Variants in CENPN observed in about 807,000 individuals in gnomAD.
CENPN encodes centromere protein N.
A neutral mutation model predicts 48.6 loss-of-function variants in CENPN; 36 were observed. That is an observed-to-expected ratio of 0.74 (90% CI 0.57 to 0.98). CENPN has a LOEUF of 0.98. CENPN is among the 50% of genes least tolerant of loss of function. The pLI, the probability that CENPN is intolerant of heterozygous loss-of-function variation, is 0.00. For missense variants in CENPN, 439 were observed against 399.2 expected (o/e 1.10, Z -0.85); for synonymous variants, 166 against 135.2 (o/e 1.23, Z -1.58).
In CENPN at chr16:81,029,035, T is replaced by A. The variant is rs1299946401; in HGVS notation, c.*384T>A. The A allele has an allele frequency of 1.0e-6, 1 of 989,910 alleles. No homozygotes were observed. The highest frequency in any genetic ancestry group is 1.1e-4 in the East Asian group (1 of 9,016). The allele number at this position is 989,910 out of a possible 1,614,324, so 61.3% of individuals were successfully genotyped here. Reference sequence around the variant, plus strand: ...AGAGGTCTGGTTCCAGTGGCTGGTTTCCAGGGATTGATTCTTAAGCTCTGG... The same window carrying A: ...AGAGGTCTGGTTCCAGTGGCTGGTTACCAGGGATTGATTCTTAAGCTCTGG... On this transcript the variant is annotated 3_prime_UTR_variant, in exon 11 of 11. Transcript: ENST00000305850.
At position 81,029,203 on chromosome 16, in the gene CENPN, A is replaced by G; in HGVS notation, c.*552A>G. ...CATATTTGGTGAGTCAGTTATATAA[A>G]ATAGTGTTCTTATTGTAAATATGAT... is the stretch of plus-strand genomic sequence containing the variant. On this transcript the variant is annotated 3_prime_UTR_variant, in exon 11 of 11. Transcript: ENST00000305850. The G allele has an allele frequency of 1.1e-6, 1 of 950,810 alleles. No individual in the cohort carries two copies. Among genetic ancestry groups the G allele is most frequent in the Non-Finnish European group, 1.3e-6 (1 of 798,484 alleles). 58.9% of individuals were successfully genotyped at this position (950,810 alleles called of 1,614,324 possible). A position where few individuals can be genotyped will look rare whatever the true frequency, so the allele number is the denominator to read the frequency against.
At chr16:81,021,499 G>T (rs1970197406) in intron 6 of CENPN, among the ~76,000 whole-genome samples, 1 of 152,184 alleles carries the variant, frequency 6.6e-6, no homozygotes, top group Non-Finnish European at 1.5e-5. Flanking sequence ...GAGTGGGGTG[G>T]AGGTGCGGTG....
At position 81,022,675 on chromosome 16, in the gene CENPN, A is replaced by G. The variant is rs374158045; in HGVS notation, c.610A>G (p.Ile204Val). 283 of 1,613,960 alleles carry G rather than the reference A, an allele frequency of 1.8e-4. No individual in the cohort carries two copies. The highest frequency in any genetic ancestry group is 2.2e-4 in the Non-Finnish European group (263 of 1,179,982). The change falls in exon 7 of 11, where the codon ATT becomes GTT. Residue 204 changes from isoleucine to valine, a missense_variant. Ile to Val is a conservative substitution (Grantham distance 29). Coordinates refer to ENST00000305850, the MANE Select transcript of CENPN (RefSeq NM_001100624.3). The stretch of plus-strand genomic sequence containing the variant: ...TCGGTATCTGGACTCTCTTAAGGCT[A>G]TTGTTTTTAAACAGTATAATCAGGT... ...RSRYLDSLKA[I>V]VFKQYNQTFE...
intron 4 of CENPN, 117 bp from the exon 5 acceptor site, chr16:81,017,641 G>C (rs1024574481): frequency 3.8e-6 from 3 of 779,288 alleles, no homozygotes; most frequent in African/African-American, 3.5e-5. Context: ...TGTGTGATTT[G>C]ATCATTATTA....
chr16:81,017,675 A>C (rs574584693), intron 4 of CENPN, 83 bp from the exon 5 acceptor site: 1 of 938,156 alleles, frequency 1.1e-6, no homozygotes, highest in East Asian at 2.4e-5. Context: ...CAAAATGCTT[A>C]GTTTCATGGT....
At chr16:81,027,470 ACT>A (rs1453004233) in intron 9 of CENPN, among the ~76,000 whole-genome samples, 1 of 152,180 alleles carries the variant, frequency 6.6e-6, no homozygotes, top group Non-Finnish European at 1.5e-5. Flanking sequence ...ACAAAGTAAG[ACT>A]CTGTCTCAAA....
intron 5 of CENPN, 28 bp from the exon 6 acceptor site, chr16:81,020,072 T>C: frequency 6.7e-7 from 1 of 1,491,324 alleles, no homozygotes; most frequent in South Asian, 1.2e-5. Context: ...ATTAGGAAAT[T>C]AAGCCTTTTT....
intron 2 of CENPN, 94 bp downstream of exon 2, chr16:81,012,204 G>A: frequency 9.0e-7 from 1 of 1,115,386 alleles, no homozygotes; most frequent in Non-Finnish European, 1.3e-6. Context: ...ATGTAAGGTA[G>A]CTGCTAAACT....
At chr16:81,031,643 C>T (rs192700354), downstream of CENPN, among the ~76,000 whole-genome samples, 4 of 152,334 alleles carry the variant, frequency 2.6e-5, no homozygotes, top group Admixed American at 2.0e-4. Context: ...CCCATGGCCA[C>T]GGATTCTGTT....
Position 81,030,370 on chromosome 16 carries a change from T to C in CENPN, c.*1719T>C. 1 of 985,162 alleles carries C rather than the reference T, an allele frequency of 1.0e-6. No individual in the cohort carries two copies. Among genetic ancestry groups the C allele is most frequent in the African/African-American group, 1.7e-5 (1 of 57,292 alleles). 61.0% of individuals were successfully genotyped at this position (985,162 alleles called of 1,614,324 possible). ...GCACTTCAGGAGGTTTCTCCTAGTG[T>C]ACTCTCACACTTCTGATACCAGATA... is the stretch of plus-strand genomic sequence containing the variant. On this transcript the variant is annotated 3_prime_UTR_variant, in exon 11 of 11. Transcript: ENST00000305850.
rs1460103413 is a variant in CENPN, at chr16:81,017,820, A to C, written c.340A>C (p.Arg114=). ...FKNSFKKILQ[R]ALKNVTVSFR... is the part of the protein sequence containing the mutation. ...AAATTCGTTCAAGAAAATTCTTCAG[A>C]GAGCATTAAAAAATGTAAGAATAAA... Residue 114 remains arginine (R), a synonymous_variant, in exon 5 of 11, where the codon AGA becomes CGA. Transcript: ENST00000305850. 1 of 1,555,462 alleles carries C rather than the reference A, an allele frequency of 6.4e-7. No individual in the cohort carries two copies. Among genetic ancestry groups the C allele is most frequent in the Non-Finnish European group, 8.8e-7 (1 of 1,136,790 alleles).
chr16:81,024,716 C>G lies in CENPN; in HGVS notation c.635C>G (p.Thr212Ser). ...KAIVFKQYNQ[T>S]FETHNSTTPL... Reference sequence around the variant, plus strand: ...AAATATTCACTTTTTTTTCCCTAGACCTTTGAAACTCACAACTCTACGACA... The same window carrying G: ...AAATATTCACTTTTTTTTCCCTAGAGCTTTGAAACTCACAACTCTACGACA... Residue 212 changes from threonine to serine, a missense_variant and splice_region_variant, in exon 8 of 11, where the codon ACC becomes AGC. By Grantham distance (58) the Thr-to-Ser change is moderately conservative (BLOSUM62 1). Coordinates refer to ENST00000305850, the MANE Select transcript of CENPN (RefSeq NM_001100624.3). 1 of 1,603,764 alleles carries G rather than the reference C, an allele frequency of 6.2e-7. No homozygotes were observed. The highest frequency in any genetic ancestry group is 8.5e-7 in the Non-Finnish European group (1 of 1,172,970).
intron 10 of CENPN, 57 bp from the exon 11 acceptor site, chr16:81,028,512 A>G (rs1327358745): frequency 1.3e-5 from 21 of 1,588,400 alleles, no homozygotes; most frequent in Non-Finnish European, 1.7e-5. Flanking sequence ...ACTCAAATCC[A>G]TCCTCCTGTG....
chr16:81,021,798 A>C (rs1226841502), intron 6 of CENPN, among the ~76,000 whole-genome samples: 2 of 151,256 alleles, frequency 1.3e-5, no homozygotes, highest in African/African-American at 4.9e-5. Context: ...TCTGTCACCC[A>C]GGGTGGGGTG....
chr16:81,013,721 C>CAA (rs974279432), intron 2 of CENPN, among the ~76,000 whole-genome samples: 1 of 137,200 alleles, frequency 7.3e-6, no homozygotes. Context: ...ACTCTGTCTC[C>CAA]AAAAAAAAAA....
chr16:81,013,774 T>C (rs1438685816), intron 2 of CENPN, among the ~76,000 whole-genome samples: 1 of 152,154 alleles, frequency 6.6e-6, no homozygotes, highest in Admixed American at 6.6e-5. Flanking sequence ...GTGGATATTG[T>C]CACTGTCTTG....
chr16:81,020,393 T>C (rs952844868), intron 6 of CENPN, 117 bp downstream of exon 6: 12 of 1,035,984 alleles, frequency 1.2e-5, no homozygotes, highest in Non-Finnish European at 1.5e-5. Context: ...TGCAGTGGCA[T>C]GTACCTGTGG....
intron 8 of CENPN, among the ~76,000 whole-genome samples, chr16:81,025,687 CTCTCTTTTTT>C (rs1567554931): frequency 2.3e-4 from 1 of 4,374 alleles, no homozygotes. Flanking sequence ...GAGACCCTGT[CTCTCTTTTTT>C]TTTTTTTTTT....
chr16:81,013,564 T>C (rs1165071569), intron 2 of CENPN, among the ~76,000 whole-genome samples: 1 of 152,084 alleles, frequency 6.6e-6, no homozygotes, highest in African/African-American at 2.4e-5. Flanking sequence ...CTACTAAAAA[T>C]ACAAAAATCA....
Sources: gnomAD v4.1 joint callset for allele counts (sites outside exome capture counted in the v4.1 genomes callset) on GRCh38, gnomAD v4.1.1 for gene constraint, MANE v1.5 for transcripts, NCBI Gene and HGNC (gene_info 2026-07-23, HGNC 2026-07-21) for gene names.